The following AP4E1 variants were observed in gnomAD, a reference collection of about 807,000 sequenced individuals.
AP4E1 encodes the protein adaptor related protein complex 4 subunit epsilon 1.
Under a neutral mutation model 128.2 loss-of-function variants are expected in AP4E1, and 56 were observed. That is an observed-to-expected ratio of 0.44 (90% CI 0.35 to 0.55). The LOEUF is 0.55. AP4E1 is among the 20% of genes least tolerant of loss of function. The probability of loss-of-function intolerance (pLI) is 0.00; values close to 1 mark genes in which losing one functional copy is unlikely to be tolerated. For missense variants in AP4E1, 1,324 were observed against 1,307.7 expected (o/e 1.01, Z -0.19); for synonymous variants, 484 against 473.1 (o/e 1.02, Z -0.30).
intron 15 of AP4E1, among the ~76,000 whole-genome samples, chr15:50,974,299 T>A (rs2140902234): frequency 7.4e-6 from 1 of 134,878 alleles, no homozygotes; most frequent in South Asian, 2.5e-4. Flanking sequence ...CAGTGTCTCA[T>A]TCTGTCACCT....
chr15:50,908,350 G>A (rs557945045), upstream of AP4E1, among the ~76,000 whole-genome samples: 3 of 152,300 alleles, frequency 2.0e-5, no homozygotes, highest in African/African-American at 7.2e-5. Flanking sequence ...CGGACGGCGC[G>A]GGGACGTCCC....
chr15:50,908,803 C>A lies in AP4E1; in HGVS notation c.25C>A (p.Leu9Met). 1 of 1,598,350 alleles carries A rather than the reference C, an allele frequency of 6.3e-7. No homozygotes were observed. The highest frequency in any genetic ancestry group is 1.1e-5 in the South Asian group (1 of 88,912). Residue 9 changes from leucine to methionine, a missense_variant, in exon 1 of 21, where the codon CTG (leucine) becomes ATG (methionine). Coordinates refer to ENST00000261842, the MANE Select transcript of AP4E1 (RefSeq NM_007347.5). ...GATGAGCGACATAGTGGAGAAGACG[C>A]TGACGGCGCTGCCGGGACTCTTTCT... MSDIVEKT[L>M]TALPGLFLQN...
intron 14 of AP4E1, among the ~76,000 whole-genome samples, chr15:50,965,344 C>T (rs1044783526): frequency 6.6e-6 from 1 of 152,144 alleles, no homozygotes; most frequent in Non-Finnish European, 1.5e-5. Context: ...GTTGTCAGAT[C>T]CCTGGGCAGT....
chr15:50,908,063 G>A (rs2063512755), upstream of AP4E1, among the ~76,000 whole-genome samples: 2 of 152,176 alleles, frequency 1.3e-5, no homozygotes, highest in Admixed American at 6.5e-5. Context: ...AGGAGGAGTC[G>A]GCAAGGGTGG....
intron 7 of AP4E1, among the ~76,000 whole-genome samples, chr15:50,932,268 C>T (rs28693451): frequency 1.3e-5 from 2 of 152,108 alleles, no homozygotes; most frequent in Admixed American, 6.5e-5. Context: ...CGTGAGCCAC[C>T]GCCCCGGCCT....
rs2065001696 is a variant in AP4E1, at chr15:51,004,806, C to T, written c.*2144C>T. Reference sequence around the variant, plus strand: ...CAGAGCAGTATATATTCTGTCTAAACTCACTGAATATTTTAAGTTGTAAAT... The same window carrying T: ...CAGAGCAGTATATATTCTGTCTAAATTCACTGAATATTTTAAGTTGTAAAT... On this transcript the variant is annotated 3_prime_UTR_variant, in exon 21 of 21. Transcript: ENST00000261842. 1 of 152,372 alleles carries T rather than the reference C, an allele frequency of 6.6e-6. No homozygotes were observed. The highest frequency in any genetic ancestry group is 1.5e-5 in the Non-Finnish European group (1 of 68,014). The allele number at this position is 152,372 out of a possible 1,614,324, so 9.4% of individuals were successfully genotyped here. A position where few individuals can be genotyped will look rare whatever the true frequency, so the allele number is the denominator to read the frequency against.
At chr15:50,933,426 T>C (rs2063861286) in intron 7 of AP4E1, among the ~76,000 whole-genome samples, 1 of 152,188 alleles carries the variant, frequency 6.6e-6, no homozygotes, top group Admixed American at 6.5e-5. Context: ...TCTTGTGTTT[T>C]GTAGTTTTGT....
chr15:50,951,063 A>C (rs923470254), intron 13 of AP4E1, among the ~76,000 whole-genome samples: 2 of 151,762 alleles, frequency 1.3e-5, no homozygotes, highest in African/African-American at 4.9e-5. Context: ...ATGCTGCATA[A>C]CAATGTTACC....
rs1321807909 is a variant in AP4E1 at position 50,941,624 on chromosome 15, A to G, written c.1067-42A>G. The G allele has an allele frequency of 5.6e-6, 9 of 1,611,670 alleles. No homozygotes were observed. The South Asian group carries it at 9.9e-5, about 18-fold the overall frequency. On this transcript the variant is annotated intron_variant, in intron 9 of 20. Coordinates refer to ENST00000261842, the MANE Select transcript of AP4E1 (RefSeq NM_007347.5). Reference sequence around the variant, plus strand: ...AGATAGCTTTTGAAATTTGCTGTGTATTTGTTTCAATTCACTTTGTATAAT... The same window carrying G: ...AGATAGCTTTTGAAATTTGCTGTGTGTTTGTTTCAATTCACTTTGTATAAT...
chr15:50,942,258 A>G (rs1297714681), intron 10 of AP4E1, among the ~76,000 whole-genome samples: 1 of 152,182 alleles, frequency 6.6e-6, no homozygotes, highest in Non-Finnish European at 1.5e-5. Context: ...TCTAAAAAGT[A>G]CTATGTCAGT....
chr15:50,992,372 G>T (rs1157598213), intron 16 of AP4E1, among the ~76,000 whole-genome samples: 1 of 151,994 alleles, frequency 6.6e-6, no homozygotes. Flanking sequence ...ATTTTTCAAG[G>T]GTCATTGGTA....
At chr15:50,927,696 C>T (rs914119384) in intron 5 of AP4E1, among the ~76,000 whole-genome samples, 5 of 151,076 alleles carry the variant, frequency 3.3e-5, no homozygotes, top group African/African-American at 9.8e-5. Context: ...AAGAGTTTTC[C>T]GTTATGGCAT....
rs2064047614 is a variant in AP4E1, at chr15:50,945,535, C to T, written c.1177-2485C>T. 2.6e-5 allele frequency: 19 copies of T among 741,670 alleles called. No individual in the cohort carries two copies. The East Asian group carries it at 4.6e-4, about 18-fold the overall frequency. The allele number at this position is 741,670 out of a possible 1,614,324, so 45.9% of individuals were successfully genotyped here. On this transcript the variant is annotated intron_variant, in intron 10 of 20. Coordinates refer to ENST00000261842, the MANE Select transcript of AP4E1 (RefSeq NM_007347.5). ...TGCAGTGCTTGACATGGATTACCCTCCCACTGGGAAAGAGCTTGTGTCTGC... is the reference window on the plus strand; with the variant it reads ...TGCAGTGCTTGACATGGATTACCCTTCCACTGGGAAAGAGCTTGTGTCTGC...
Position 50,997,710 on chromosome 15 carries a change from A to G in AP4E1, c.2731A>G (p.Thr911Ala), listed in dbSNP as rs747533607. 3.3e-5 allele frequency: 54 copies of G among 1,613,938 alleles called. No individual in the cohort carries two copies. The East Asian group carries it at 1.0e-3, about 31-fold the overall frequency. ...SLASSFLEET[T>A]EYIHSNAMEV... ...AGCTTCATCTTTTTTGGAAGAAACT[A>G]CTGAATACATACACTCAAATGCTAT... The change falls in exon 18 of 21, where the codon ACT becomes GCT. Residue 911 changes from threonine (T) to alanine (A), a missense_variant. Physicochemically the swap from Thr to Ala is moderately conservative, Grantham distance 58. Transcript: ENST00000261842.
chr15:50,943,184 A>T (rs2064010595), intron 10 of AP4E1, among the ~76,000 whole-genome samples: 1 of 152,148 alleles, frequency 6.6e-6, no homozygotes, highest in African/African-American at 2.4e-5. Context: ...TTCACTTAGG[A>T]TAATGGCTTC....
intron 3 of AP4E1, among the ~76,000 whole-genome samples, chr15:50,921,787 A>C (rs1018011843): frequency 2.6e-5 from 4 of 152,192 alleles, no homozygotes; most frequent in African/African-American, 9.6e-5. Flanking sequence ...TATATTTTGT[A>C]ATCGTAGTTA....
intron 7 of AP4E1, among the ~76,000 whole-genome samples, chr15:50,932,089 C>T (rs1409028060): frequency 6.6e-6 from 1 of 151,956 alleles, no homozygotes; most frequent in Admixed American, 6.6e-5. Context: ...AAGAGATTTT[C>T]CCACCTCAGT....
intron 15 of AP4E1, among the ~76,000 whole-genome samples, chr15:50,976,567 T>G (rs1439985841): frequency 6.6e-6 from 1 of 152,186 alleles, no homozygotes; most frequent in Non-Finnish European, 1.5e-5. Flanking sequence ...GTATTCAGAT[T>G]GGAAAGGAAA....
chr15:50,947,902 C>T (rs2064084612), intron 10 of AP4E1, 118 bp from the exon 11 acceptor site: 3 of 807,712 alleles, frequency 3.7e-6, no homozygotes, highest in Admixed American at 2.6e-5. Flanking sequence ...AACTGACTAC[C>T]CAGTAGATCT....
Sources: allele counts gnomAD v4.1 joint callset (sites outside exome capture counted in the v4.1 genomes callset), GRCh38; gene constraint gnomAD v4.1.1; transcripts MANE v1.5; gene names NCBI Gene and HGNC (gene_info 2026-07-23, HGNC 2026-07-21).